XKR4: variants seen among roughly 807,000 people sequenced by gnomAD.
The protein encoded by XKR4 is XK-related protein 4.
Under a neutral mutation model 53.9 loss-of-function variants are expected in XKR4, and 12 were observed. The ratio of observed to expected loss-of-function variants is 0.22; its 90% CI spans 0.14 to 0.36. The LOEUF is 0.36. Among genes scored for constraint, XKR4 ranks in the 10% least tolerant of loss-of-function variants. The pLI is 1.00. For synonymous variants in XKR4, 354 were observed against 362.4 expected (o/e 0.98, Z 0.26); for missense variants, 799 against 859.5 (o/e 0.93, Z 0.88).
chr8:55,475,869 G>A lies in XKR4; in HGVS notation c.1007-47412G>A, dbSNP rs191876811. Among the ~76,000 whole-genome samples, 241 of 152,056 alleles carry A rather than the reference G, an allele frequency of 1.6e-3. 5 individuals carry two copies. Among genetic ancestry groups the A allele is most frequent in the African/African-American group, 5.3e-3 (219 of 41,410 alleles). On this transcript the variant is annotated intron_variant, in intron 2 of 2. Coordinates refer to ENST00000327381, the MANE Select transcript of XKR4 (RefSeq NM_052898.2). ...ACCCTCCTCAGCCTCCCAAAGTGCT[G>A]GGATTACAGGCATGAGCCACCACAC...
chr8:55,331,995 T>C (rs1203670974), intron 1 of XKR4, among the ~76,000 whole-genome samples: 1 of 152,134 alleles, frequency 6.6e-6, no homozygotes, highest in African/African-American at 2.4e-5. Context: ...TTTCTGTATG[T>C]CTTTTAGCTA....
At chr8:55,136,114 A>G (rs1038257178) in intron 1 of XKR4, among the ~76,000 whole-genome samples, 1 of 152,014 alleles carries the variant, frequency 6.6e-6, no homozygotes, top group Admixed American at 6.6e-5. Flanking sequence ...GGCTGGCCTC[A>G]ATCTCCTGAC....
intron 1 of XKR4, among the ~76,000 whole-genome samples, chr8:55,354,428 A>G (rs563091058): frequency 2.9e-4 from 44 of 152,322 alleles, no homozygotes; most frequent in African/African-American, 1.0e-3. Flanking sequence ...TGAGTAGGAC[A>G]GGGACAACCG....
chr8:55,501,835 G>A (rs1049334460), intron 2 of XKR4, among the ~76,000 whole-genome samples: 4 of 152,080 alleles, frequency 2.6e-5, no homozygotes, highest in African/African-American at 9.7e-5. Flanking sequence ...GTTCTTTTGG[G>A]TATACAGTCA....
intron 2 of XKR4, among the ~76,000 whole-genome samples, chr8:55,522,422 C>T (rs996861549): frequency 6.6e-6 from 1 of 152,200 alleles, no homozygotes; most frequent in Admixed American, 6.5e-5. Context: ...CCAGATTGCA[C>T]TAGGACAAAC....
chr8:55,166,629 T>C (rs1817069093), intron 1 of XKR4, among the ~76,000 whole-genome samples: 1 of 152,160 alleles, frequency 6.6e-6, no homozygotes, highest in Non-Finnish European at 1.5e-5. Flanking sequence ...GAGAGTGGCA[T>C]GAGGAGTTTT....
intron 1 of XKR4, among the ~76,000 whole-genome samples, chr8:55,342,880 T>C (rs1423947981): frequency 6.6e-6 from 1 of 152,216 alleles, no homozygotes; most frequent in Non-Finnish European, 1.5e-5. Flanking sequence ...CCATCTAAAA[T>C]GTAAGTCCCT....
chr8:55,455,653 A>T (rs772597648), intron 2 of XKR4, among the ~76,000 whole-genome samples: 1 of 152,350 alleles, frequency 6.6e-6, no homozygotes, highest in Non-Finnish European at 1.5e-5. Flanking sequence ...GAGATCCTGG[A>T]TATGATACAA....
At chr8:55,317,180 T>C (rs1322240752) in intron 1 of XKR4, among the ~76,000 whole-genome samples, 2 of 152,232 alleles carry the variant, frequency 1.3e-5, no homozygotes. Flanking sequence ...TTCTGAAAGA[T>C]TTTATAATCA....
chr8:55,506,422 G>A (rs1426085943), intron 2 of XKR4, among the ~76,000 whole-genome samples: 1 of 152,230 alleles, frequency 6.6e-6, no homozygotes, highest in Non-Finnish European at 1.5e-5. Context: ...GTACTGCAGT[G>A]CCTTGATCAG....
intron 2 of XKR4, among the ~76,000 whole-genome samples, chr8:55,412,519 C>T (rs774707828): frequency 5.9e-5 from 9 of 152,148 alleles, no homozygotes; most frequent in Non-Finnish European, 1.2e-4. Context: ...CATTTGCACC[C>T]GGCGCTGCGG....
At position 55,529,113 on chromosome 8, in the gene XKR4, G is replaced by A. The variant is rs1285272559; in HGVS notation, c.*4886G>A. On this transcript the variant is annotated 3_prime_UTR_variant, in exon 3 of 3. Coordinates refer to ENST00000327381, the MANE Select transcript of XKR4 (RefSeq NM_052898.2). ...TCTAAAGTAAAACTGCAGAATATGG[G>A]TGGAATTGTATAAAAACATAATGAG... 6.6e-6 allele frequency: 1 copy of A among 151,206 alleles called. No homozygotes were observed. Among genetic ancestry groups the A allele is most frequent in the East Asian group, 1.9e-4 (1 of 5,180 alleles). 9.4% of individuals were successfully genotyped at this position (151,206 alleles called of 1,614,324 possible).
intron 2 of XKR4, among the ~76,000 whole-genome samples, chr8:55,472,320 TC>T (rs1419495611): frequency 6.6e-5 from 10 of 152,292 alleles, no homozygotes; most frequent in African/African-American, 2.4e-4. Context: ...GATACAATTC[TC>T]CACATGCTAG....
chr8:55,515,347 T>A (rs1330280165), intron 2 of XKR4, among the ~76,000 whole-genome samples: 1 of 152,176 alleles, frequency 6.6e-6, no homozygotes, highest in Non-Finnish European at 1.5e-5. Flanking sequence ...GAGCTTGTAT[T>A]ACCTTCCTTC....
At chr8:55,212,558 C>G (rs1261669652) in intron 1 of XKR4, among the ~76,000 whole-genome samples, 1 of 152,186 alleles carries the variant, frequency 6.6e-6, no homozygotes, top group African/African-American at 2.4e-5. Flanking sequence ...CTATTCCCAT[C>G]ATGGCCTAAA....
intron 1 of XKR4, among the ~76,000 whole-genome samples, chr8:55,118,309 C>G (rs1021775228): frequency 1.3e-5 from 2 of 152,148 alleles, no homozygotes; most frequent in Non-Finnish European, 2.9e-5. Flanking sequence ...ACATCATTAG[C>G]TTGTATTTAT....
chr8:55,332,269 C>T (rs367802035), intron 1 of XKR4, among the ~76,000 whole-genome samples: 1 of 152,086 alleles, frequency 6.6e-6, no homozygotes, highest in South Asian at 2.1e-4. Flanking sequence ...AGCATATACC[C>T]ACTAACATAC....
rs74325608 is a variant in XKR4 at position 55,527,793 on chromosome 8, G to A, written c.*3566G>A. On this transcript the variant is annotated 3_prime_UTR_variant, in exon 3 of 3. Coordinates refer to ENST00000327381, the MANE Select transcript of XKR4 (RefSeq NM_052898.2). ...CAAGTATTAGCAAAAGATAATCTGA[G>A]GATAAAAGTAAAATGAAGTATTTTA... 6.1e-3 allele frequency: 933 copies of A among 152,176 alleles called. 12 individuals carry two copies. Among genetic ancestry groups the A allele is most frequent in the African/African-American group, 0.021 (888 of 41,530 alleles). The allele number at this position is 152,176 out of a possible 1,614,324, so 9.4% of individuals were successfully genotyped here.
At chr8:55,196,985 G>A (rs1003739305) in intron 1 of XKR4, among the ~76,000 whole-genome samples, 8 of 152,256 alleles carry the variant, frequency 5.3e-5, no homozygotes, top group African/African-American at 1.7e-4. Context: ...TATGAATGAT[G>A]ATGCAAGCTC....
Sources: allele counts gnomAD v4.1 joint callset (sites outside exome capture counted in the v4.1 genomes callset), GRCh38; gene constraint gnomAD v4.1.1; transcripts MANE v1.5; gene names NCBI Gene and HGNC (gene_info 2026-07-23, HGNC 2026-07-21).